Variants in LRRC4C observed in about 807,000 individuals in gnomAD.
LRRC4C encodes the protein leucine-rich repeat-containing protein 4C.
LRRC4C carries 5 observed loss-of-function variants against 33.6 expected under a neutral mutation model. That is an observed-to-expected ratio of 0.15 (90% CI 0.08 to 0.31). The LOEUF is 0.31. LRRC4C is among the 10% of genes least tolerant of loss of function. The pLI is 1.00. For synonymous variants in LRRC4C, 329 were observed against 302.0 expected, an observed-to-expected ratio of 1.09 and a Z score of -0.93; for missense variants, 560 against 796.7, an observed-to-expected ratio of 0.70 and a Z score of 3.58.
chr11:40,462,005 G>A (rs1952420776), intron 3 of LRRC4C, among the ~76,000 whole-genome samples: 1 of 152,018 alleles, frequency 6.6e-6, no homozygotes, highest in South Asian at 2.1e-4. Flanking sequence ...CCATTTGTTA[G>A]AGTGGATACT....
At chr11:41,206,023 G>A (rs4147342) in intron 1 of LRRC4C, among the ~76,000 whole-genome samples, 148,906 of 152,172 alleles carry the variant, frequency 0.98, 72,946 homozygotes, top group East Asian at 1. Flanking sequence ...AACCATCACC[G>A]TTAACCCCCT....
rs1955191544 is a variant in LRRC4C at position 40,881,819 on chromosome 11, T to C, written c.-407+51816A>G. 2.6e-5 allele frequency among the ~76,000 whole-genome samples: 4 copies of C among 152,166 alleles called. No individual in the cohort carries two copies. The South Asian group carries it at 8.3e-4, about 32-fold the overall frequency. On this transcript the variant is annotated intron_variant, in intron 2 of 6. Coordinates refer to ENST00000528697, the MANE Select transcript of LRRC4C (RefSeq NM_001258419.2). ...AGACTTTCTCATGACAAAATATCTCTATCCAAATTATATATTTTAATAAAC... is the reference window on the plus strand; with the variant it reads ...AGACTTTCTCATGACAAAATATCTCCATCCAAATTATATATTTTAATAAAC...
intron 1 of LRRC4C, among the ~76,000 whole-genome samples, chr11:41,341,103 G>C (rs1404365584): frequency 6.6e-6 from 1 of 151,414 alleles, no homozygotes; most frequent in Non-Finnish European, 1.5e-5. Flanking sequence ...ATGTGAAAGT[G>C]ATGATGTTGT....
intron 1 of LRRC4C, among the ~76,000 whole-genome samples, chr11:41,221,190 CCAAA>C (rs998857244): frequency 1.3e-5 from 2 of 151,368 alleles, no homozygotes; most frequent in African/African-American, 4.9e-5. Flanking sequence ...CCTAATGTGC[CCAAA>C]CAAATTTACA....
At chr11:41,053,612 T>C (rs1306657370) in intron 1 of LRRC4C, among the ~76,000 whole-genome samples, 1 of 152,180 alleles carries the variant, frequency 6.6e-6, no homozygotes, top group African/African-American at 2.4e-5. Flanking sequence ...TATTATTACA[T>C]AGCTATAGAT....
chr11:40,844,094 C>G (rs1214176487), intron 2 of LRRC4C, among the ~76,000 whole-genome samples: 3 of 151,880 alleles, frequency 2.0e-5, no homozygotes, highest in East Asian at 3.9e-4. Context: ...TTAAAATGGC[C>G]CTTGGAAAAT....
intron 4 of LRRC4C, among the ~76,000 whole-genome samples, chr11:40,257,472 G>C (rs2136226851): frequency 6.6e-6 from 1 of 152,112 alleles, no homozygotes. Flanking sequence ...AAGTAAACCG[G>C]AGTTTCATTC....
chr11:40,417,215 C>T (rs535860886), intron 3 of LRRC4C, among the ~76,000 whole-genome samples: 75 of 152,166 alleles, frequency 4.9e-4, no homozygotes, highest in African/African-American at 1.6e-3. Context: ...CCAGTTTTCC[C>T]GTAGTATGGT....
rs1289683134 is a variant in LRRC4C, at chr11:40,372,534, A to G, written c.-269-52813T>C. Among the ~76,000 whole-genome samples the G allele has an allele frequency of 2.0e-5, 3 of 152,202 alleles. No individual in the cohort carries two copies. The East Asian group carries it at 5.8e-4, about 29-fold the overall frequency. ...ATTTTAAGGTTTGCAATCTTAATAC[A>G]TCAGCGAATTCTCTTTTGCCGCGTA... On this transcript the variant is annotated intron_variant, in intron 3 of 6. Transcript: ENST00000528697.
At chr11:40,334,719 G>A (rs960587186) in intron 3 of LRRC4C, among the ~76,000 whole-genome samples, 2 of 152,080 alleles carry the variant, frequency 1.3e-5, no homozygotes, top group Admixed American at 1.3e-4. Flanking sequence ...TCATCTGAGC[G>A]AGGTATGAAA....
chr11:41,160,946 A>G (rs1944443635), intron 1 of LRRC4C, among the ~76,000 whole-genome samples: 1 of 152,216 alleles, frequency 6.6e-6, no homozygotes, highest in Non-Finnish European at 1.5e-5. Context: ...TAAAAGAATT[A>G]CAAGCATATT....
intron 1 of LRRC4C, among the ~76,000 whole-genome samples, chr11:41,336,667 C>T (rs762415270): frequency 2.0e-5 from 3 of 152,142 alleles, no homozygotes; most frequent in African/African-American, 4.8e-5. Context: ...TGTGAAAGTC[C>T]TCTTCATTTA....
chr11:40,198,787 T>A (rs1466704673), intron 5 of LRRC4C, among the ~76,000 whole-genome samples: 1 of 152,144 alleles, frequency 6.6e-6, no homozygotes, highest in East Asian at 1.9e-4. Context: ...ATGGAGTCAA[T>A]CTGGACTTAA....
chr11:41,371,729 T>C (rs987975335), intron 1 of LRRC4C, among the ~76,000 whole-genome samples: 4 of 152,214 alleles, frequency 2.6e-5, no homozygotes, highest in African/African-American at 9.7e-5. Context: ...TAGTAAAACT[T>C]TGCTGAACTC....
intron 3 of LRRC4C, among the ~76,000 whole-genome samples, chr11:40,400,248 C>T (rs1196542921): frequency 6.6e-6 from 1 of 152,110 alleles, no homozygotes; most frequent in African/African-American, 2.4e-5. Flanking sequence ...GCATAGGCTG[C>T]AAAATTAGTC....
chr11:40,900,846 T>G (rs1002016690), intron 2 of LRRC4C, among the ~76,000 whole-genome samples: 1 of 152,054 alleles, frequency 6.6e-6, no homozygotes, highest in African/African-American at 2.4e-5. Flanking sequence ...TGAGGTTAAT[T>G]TGTAGTTTTT....
At chr11:41,330,656 C>A (rs1951266152) in intron 1 of LRRC4C, among the ~76,000 whole-genome samples, 1 of 152,238 alleles carries the variant, frequency 6.6e-6, no homozygotes, top group African/African-American at 2.4e-5. Context: ...ACTGCAGCCT[C>A]GGCCACCTGG....
chr11:41,224,971 G>T (rs1164532076), intron 1 of LRRC4C, among the ~76,000 whole-genome samples: 1 of 152,132 alleles, frequency 6.6e-6, no homozygotes, highest in Non-Finnish European at 1.5e-5. Context: ...TCAGTAATTT[G>T]CAACAACATG....
intron 3 of LRRC4C, among the ~76,000 whole-genome samples, chr11:40,435,393 A>G (rs1427214118): frequency 6.6e-6 from 1 of 152,154 alleles, no homozygotes; most frequent in Non-Finnish European, 1.5e-5. Context: ...AACTTTTTGA[A>G]TTGCTATTGA....
Sources: allele counts gnomAD v4.1 joint callset (sites outside exome capture counted in the v4.1 genomes callset), GRCh38; gene constraint gnomAD v4.1.1; transcripts MANE v1.5; gene names NCBI Gene and HGNC (gene_info 2026-07-23, HGNC 2026-07-21).